Variants in GPI observed in about 807,000 individuals in gnomAD.
GPI encodes D-hexose-6-phosphate anomerase.
A neutral mutation model predicts 75.8 loss-of-function variants in GPI; 56 were observed. That is an observed-to-expected ratio of 0.74 (90% confidence interval 0.60 to 0.92). The LOEUF is 0.92. Among genes scored for constraint, GPI ranks in the 40% least tolerant of loss-of-function variants. The pLI is 0.00. For missense variants in GPI, 638 were observed against 741.0 expected, an observed-to-expected ratio of 0.86 and a Z score of 1.61; for synonymous variants, 288 against 285.4, an observed-to-expected ratio of 1.01 and a Z score of -0.09.
chr19:34,398,417 T>C (rs1371852168), intron 14 of GPI: 1 of 152,200 alleles, frequency 6.6e-6, no homozygotes, highest in East Asian at 1.9e-4. Context: ...CACTGTGGAC[T>C]TGTGGAACCC....
Position 34,393,938 on chromosome 19 carries a change from C to T in GPI, c.934C>T (p.Leu312=). 6.2e-7 allele frequency: 1 copy of T among 1,613,812 alleles called. No individual in the cohort carries two copies. The highest frequency in any genetic ancestry group is 8.5e-7 in the Non-Finnish European group (1 of 1,179,982). The change falls in exon 12 of 18, where the codon CTG becomes TTG. Residue 312 remains leucine (L), a synonymous_variant. Transcript: ENST00000356487. This position sits in a 1 kb window ranked among gnomAD's most constrained non-coding sequence, Gnocchi z 4.4. Reference sequence around the variant, plus strand: ...GGACCAGCACTTCCGCACGACGCCCCTGGAGAAGAACGCCCCCGTCTTGCT... The same window carrying T: ...GGACCAGCACTTCCGCACGACGCCCTTGGAGAAGAACGCCCCCGTCTTGCT... ...WMDQHFRTTP[L]EKNAPVLLAL... is the part of the protein sequence containing the mutation.
In GPI at chr19:34,372,197, C is replaced by T. The variant is rs186035648; in HGVS notation, c.402+3495C>T. On this transcript the variant is annotated intron_variant, in intron 4 of 17. Coordinates refer to ENST00000356487, the MANE Select transcript of GPI (RefSeq NM_000175.5). ...CCACCCACCTTGGCCTCCCAGAGTC[C>T]TGGGATTACAGGCATGAGCCACCAC... Among the ~76,000 whole-genome samples the T allele has an allele frequency of 3.0e-3, 457 of 152,324 alleles. 1 individual carries two copies. The highest frequency in any genetic ancestry group is 0.01 in the Middle Eastern group (3 of 294).
chr19:34,366,481 T>G, intron 2 of GPI, 46 bp downstream of exon 2: 1 of 1,322,678 alleles, frequency 7.6e-7, no homozygotes, highest in East Asian at 2.3e-5. Context: ...GACAGAGTGG[T>G]GGGTGAGCTG....
intron 4 of GPI, among the ~76,000 whole-genome samples, chr19:34,373,791 G>A (rs1179676080): frequency 1.3e-5 from 2 of 152,094 alleles, no homozygotes; most frequent in Non-Finnish European, 2.9e-5. Flanking sequence ...ATGGGGGTTG[G>A]AGGGTCTGCT....
At chr19:34,369,480 G>C in intron 4 of GPI, among the ~76,000 whole-genome samples, 1 of 152,092 alleles carries the variant, frequency 6.6e-6, no homozygotes, top group Admixed American at 6.5e-5. Context: ...GCCGGGGTGG[G>C]TGGATCACTT....
intron 12 of GPI, among the ~76,000 whole-genome samples, chr19:34,396,061 C>T (rs1568349014): frequency 6.6e-6 from 1 of 151,824 alleles, no homozygotes; most frequent in Non-Finnish European, 1.5e-5. Flanking sequence ...GCCTCAGCCT[C>T]CCAAGCAGCT....
intron 12 of GPI, among the ~76,000 whole-genome samples, chr19:34,395,920 C>T (rs1004670279): frequency 2.0e-5 from 3 of 149,058 alleles, no homozygotes; most frequent in Admixed American, 6.7e-5. Context: ...CTTTCTTTTC[C>T]TTTCTTTTCC....
chr19:34,361,211 C>A (rs1568319831), upstream of GPI, among the ~76,000 whole-genome samples: 1 of 152,080 alleles, frequency 6.6e-6, no homozygotes, highest in Non-Finnish European at 1.5e-5. Flanking sequence ...TTGCCTCAGC[C>A]TCTCAAGTAG....
At position 34,399,952 on chromosome 19, in the gene GPI, C is replaced by T. The variant is rs892283667; in HGVS notation, c.1593C>T (p.Gly531=). The change falls in exon 18 of 18, where the codon GGC becomes GGT. Residue 531 remains glycine, a synonymous_variant. Coordinates refer to ENST00000356487, the MANE Select transcript of GPI (RefSeq NM_000175.5). The stretch of plus-strand genomic sequence containing the variant: ...AGAAAATAGAGCCTGAGCTTGATGG[C>T]AGTGCTCAAGTGACCTCTCACGACG... ...LAKKIEPELD[G]SAQVTSHDAS... 6.2e-7 allele frequency: 1 copy of T among 1,613,596 alleles called. No homozygotes were observed. Among genetic ancestry groups the T allele is most frequent in the African/African-American group, 1.3e-5 (1 of 75,004 alleles).
chr19:34,362,447 C>A (rs766760863), upstream of GPI, among the ~76,000 whole-genome samples: 1 of 152,124 alleles, frequency 6.6e-6, no homozygotes, highest in African/African-American at 2.4e-5. Flanking sequence ...CAGGGGAAAC[C>A]TTTGAAATGG....
Position 34,393,366 on chromosome 19 carries a change from C to A in GPI, c.865+58C>A. The A allele has an allele frequency of 7.4e-7, 1 of 1,342,578 alleles. No homozygotes were observed. The highest frequency in any genetic ancestry group is 1.1e-6 in the Non-Finnish European group (1 of 931,854). 83.2% of individuals were successfully genotyped at this position (1,342,578 alleles called of 1,614,324 possible). A position where few individuals can be genotyped will look rare whatever the true frequency, so the allele number is the denominator to read the frequency against. Reference sequence around the variant, plus strand: ...GGGAGACAGTGTTGCAGTCTAAGGTCGGGGTAGGGGGCTTGTGTCCCTGAA... The same window carrying A: ...GGGAGACAGTGTTGCAGTCTAAGGTAGGGGTAGGGGGCTTGTGTCCCTGAA... On this transcript the variant is annotated intron_variant, in intron 10 of 17. Transcript: ENST00000356487. This position sits in a 1 kb window ranked among gnomAD's most constrained non-coding sequence, Gnocchi z 4.4.
chr19:34,390,032 T>A (rs1309751581), intron 9 of GPI, among the ~76,000 whole-genome samples: 1 of 152,110 alleles, frequency 6.6e-6, no homozygotes, highest in Non-Finnish European at 1.5e-5. Context: ...AGAAGATCGG[T>A]CAAGCCCAGA....
chr19:34,377,784 C>T lies in GPI; in HGVS notation c.536C>T (p.Pro179Leu). The change falls in exon 6 of 18, where the codon CCC (proline) becomes CTC (leucine). Residue 179 changes from proline to leucine, a missense_variant. Physicochemically the swap from Pro to Leu is moderately conservative, Grantham distance 98. Coordinates refer to ENST00000356487, the MANE Select transcript of GPI (RefSeq NM_000175.5). ...CTTAAGCCATACTCTTCAGGAGGTCCCCGCGTCTGGTATGTCTCCAACATT... is the reference window on the plus strand; with the variant it reads ...CTTAAGCCATACTCTTCAGGAGGTCTCCGCGTCTGGTATGTCTCCAACATT... ...EALKPYSSGG[P>L]RVWYVSNIDG... The T allele has an allele frequency of 6.2e-7, 1 of 1,613,936 alleles. No homozygotes were observed. The highest frequency in any genetic ancestry group is 8.5e-7 in the Non-Finnish European group (1 of 1,179,880).
chr19:34,388,476 CAA>C (rs11430472), intron 9 of GPI, among the ~76,000 whole-genome samples: 18,968 of 149,868 alleles, frequency 0.13, 1,644 homozygotes, highest in African/African-American at 0.24. Flanking sequence ...GACCCTGTCT[CAA>C]AAAAAAAGAA....
chr19:34,366,521 A>T, intron 2 of GPI, 86 bp downstream of exon 2: 1 of 905,220 alleles, frequency 1.1e-6, no homozygotes, highest in East Asian at 2.4e-5. Flanking sequence ...GACCTTGAGT[A>T]TCTTGAGTTC....
chr19:34,363,647 C>T (rs1599795336), upstream of GPI, among the ~76,000 whole-genome samples: 1 of 152,118 alleles, frequency 6.6e-6, no homozygotes, highest in African/African-American at 2.4e-5. Flanking sequence ...TGGTGAAACT[C>T]CATCTCTACT....
chr19:34,399,874 T>G (rs758692176), intron 17 of GPI, 27 bp from the exon 18 acceptor site: 2 of 1,613,788 alleles, frequency 1.2e-6, no homozygotes, highest in East Asian at 4.5e-5. Context: ...CTCATACCAC[T>G]CTTCCCTTCC....
chr19:34,381,271 G>T, intron 8 of GPI, 195 bp from the exon 9 acceptor site: 2 of 661,982 alleles, frequency 3.0e-6, no homozygotes, highest in South Asian at 1.6e-5. Context: ...GACTGATCTG[G>T]TGTCCAGCTT....
intron 3 of GPI, among the ~76,000 whole-genome samples, chr19:34,367,459 G>T (rs1163288426): frequency 6.6e-6 from 1 of 152,188 alleles, no homozygotes; most frequent in East Asian, 1.9e-4. Context: ...TTGCATTGTG[G>T]GTCTAAGCTG....
Sources: allele counts gnomAD v4.1 joint callset (sites outside exome capture counted in the v4.1 genomes callset), GRCh38; gene constraint gnomAD v4.1.1; non-coding constraint Gnocchi (gnomAD v3.1); transcripts MANE v1.5; gene names NCBI Gene and HGNC (gene_info 2026-07-23, HGNC 2026-07-21).